The following GNPTG variants were observed in gnomAD, a reference collection of about 807,000 sequenced individuals.
GNPTG encodes the protein N-acetylglucosamine-1-phosphotransferase subunit gamma.
GNPTG carries 46 observed loss-of-function variants against 43.8 expected under a neutral mutation model. That is an observed-to-expected ratio of 1.05 (90% CI 0.83 to 1.34). GNPTG has a LOEUF of 1.34. Ranked by LOEUF, GNPTG falls within the 40% of genes most tolerant of loss-of-function variation. GNPTG has a pLI of 0.00. For synonymous variants in GNPTG, 250 were observed against 172.8 expected (o/e 1.45, Z -3.50); for missense variants, 549 against 411.3 (o/e 1.33, Z -2.90).
In GNPTG at chr16:1,363,263, A is replaced by G. The variant is rs2034977370; in HGVS notation, c.*172A>G. The G allele has an allele frequency of 3.0e-6, 2 of 671,054 alleles. No homozygotes were observed. The highest frequency in any genetic ancestry group is 3.6e-5 in the African/African-American group (2 of 55,754). 41.6% of individuals were successfully genotyped at this position (671,054 alleles called of 1,614,324 possible). On this transcript the variant is annotated 3_prime_UTR_variant, in exon 11 of 11. Transcript: ENST00000204679. ...ATAAAAATAACTCCATGAATTCTGT[A>G]AACCATTGCATAAATGCTATAGTGT...
Position 1,363,278 on chromosome 16 carries a change from T to A in GNPTG, c.*187T>A, listed in dbSNP as rs555685957. 1.6e-6 allele frequency: 1 copy of A among 622,948 alleles called. No homozygotes were observed. The highest frequency in any genetic ancestry group is 1.8e-5 in the African/African-American group (1 of 54,336). 38.6% of individuals were successfully genotyped at this position (622,948 alleles called of 1,614,324 possible). A position where few individuals can be genotyped will look rare whatever the true frequency, so the allele number is the denominator to read the frequency against. On this transcript the variant is annotated 3_prime_UTR_variant, in exon 11 of 11. Coordinates refer to ENST00000204679, the MANE Select transcript of GNPTG (RefSeq NM_032520.5). ...TGAATTCTGTAAACCATTGCATAAA[T>A]GCTATAGTGTAAAAAAATTTAAACA...
At chr16:1,356,887 CTGCGGGCGGGAGTG>C (rs1442011483) in intron 3 of GNPTG, among the ~76,000 whole-genome samples, 3 of 5,580 alleles carry the variant, frequency 5.4e-4, no homozygotes, top group African/African-American at 1.2e-3. Flanking sequence ...GGGCGGGGGT[CTGCGGGCGGGAGTG>C]TGCGGGCGAG....
intron 3 of GNPTG, among the ~76,000 whole-genome samples, chr16:1,359,331 A>G (rs529574611): frequency 6.6e-6 from 1 of 151,332 alleles, no homozygotes; most frequent in Admixed American, 6.6e-5. Context: ...CAGTAGCACG[A>G]TCTTGGCTCA....
chr16:1,361,878 G>A lies in GNPTG; in HGVS notation c.240G>A (p.Lys80=). The A allele has an allele frequency of 6.2e-7, 1 of 1,613,730 alleles. No homozygotes were observed. Among genetic ancestry groups the A allele is most frequent in the South Asian group, 1.1e-5 (1 of 91,092 alleles). The change falls in exon 5 of 11, where the codon AAG becomes AAA. Residue 80 remains lysine (K), a synonymous_variant. Transcript: ENST00000204679. Reference sequence around the variant, plus strand: ...ATGCCATCTGTGTCCCCAGGTACAAGTATGAGTTCTGCCCGTTCCACAACG... The same window carrying A: ...ATGCCATCTGTGTCCCCAGGTACAAATATGAGTTCTGCCCGTTCCACAACG... ...KCFSLVESTY[K]YEFCPFHNVT...
intron 10 of GNPTG, 32 bp from the exon 11 acceptor site, chr16:1,362,965 A>G: frequency 6.2e-7 from 1 of 1,613,946 alleles, no homozygotes; most frequent in Non-Finnish European, 8.5e-7. Flanking sequence ...CTGTGGGTCC[A>G]GGTGAGGACT....
chr16:1,360,269 C>CTGTT (rs2034847074), intron 3 of GNPTG, among the ~76,000 whole-genome samples: 6 of 152,188 alleles, frequency 3.9e-5, no homozygotes, highest in Admixed American at 3.3e-4. Context: ...TCTCTTTTGC[C>CTGTT]TGTTTATATG....
intron 5 of GNPTG, 41 bp downstream of exon 5, chr16:1,361,996 G>C (rs901500768): frequency 1.2e-6 from 2 of 1,613,080 alleles, no homozygotes; most frequent in Non-Finnish European, 1.7e-6. Flanking sequence ...CAGCAGCGCA[G>C]CTCCCCACCC....
chr16:1,355,647 C>A (rs2034762450), intron 3 of GNPTG, among the ~76,000 whole-genome samples: 1 of 151,980 alleles, frequency 6.6e-6, no homozygotes, highest in South Asian at 2.1e-4. Flanking sequence ...CTGCCAGCGC[C>A]CAGCAGAGTC....
intron 3 of GNPTG, among the ~76,000 whole-genome samples, chr16:1,357,227 C>T (rs1163939597): frequency 6.6e-6 from 1 of 152,200 alleles, no homozygotes; most frequent in Non-Finnish European, 1.5e-5. Flanking sequence ...TCTATATCCA[C>T]AGCCCCTGTC....
At position 1,362,771 on chromosome 16, in the gene GNPTG, G is replaced by A. The variant is rs573130947; in HGVS notation, c.741+29G>A. 63 of 1,614,100 alleles carry A rather than the reference G, an allele frequency of 3.9e-5. No individual in the cohort carries two copies. In the East Asian group the frequency reaches 8.0e-4, roughly 21 times the overall value. ...CCGTATTGGGGGGAGGTGGTGGCAC[G>A]CAGTAGCCCTCCAGCACCTGGGCTT... On this transcript the variant is annotated intron_variant, in intron 9 of 10. Transcript: ENST00000204679.
At chr16:1,352,618 T>C (rs541126897) in intron 3 of GNPTG, 18 of 396,576 alleles carry the variant, frequency 4.5e-5, no homozygotes, top group Non-Finnish European at 6.6e-5. Context: ...TTTTGTAATC[T>C]AATCGCTTTT....
chr16:1,352,016 C>A lies in GNPTG; in HGVS notation c.51C>A (p.Gly17=). Residue 17 remains glycine, a splice_region_variant and synonymous_variant, in exon 1 of 11, where the codon GGC becomes GGA. Coordinates refer to ENST00000204679, the MANE Select transcript of GNPTG (RefSeq NM_032520.5). ...RLLLLLGLSA[G]GPAPAGAAKM... is the part of the protein sequence containing the mutation. ...TGTTGCTCCTCGGGCTCTCGGCCGG[C>A]GGTGAGTGGCCCGGCCGTCCGCGTC... The A allele has an allele frequency of 3.4e-6, 5 of 1,471,098 alleles. No individual in the cohort carries two copies. Among genetic ancestry groups the A allele is most frequent in the Non-Finnish European group, 4.5e-6 (5 of 1,116,526 alleles). 91.1% of individuals were successfully genotyped at this position (1,471,098 alleles called of 1,614,324 possible).
rs1260733978 is a variant in GNPTG at position 1,362,963 on chromosome 16, C to A, written c.824-34C>A. The A allele has an allele frequency of 3.1e-6, 5 of 1,612,834 alleles. No individual in the cohort carries two copies. In the South Asian group the frequency reaches 5.5e-5, roughly 18 times the overall value. The stretch of plus-strand genomic sequence containing the variant: ...ACCATCACACTCGCCACCTGTGGGT[C>A]CAGGTGAGGACTGGCCACCTGGTGT... On this transcript the variant is annotated intron_variant, in intron 10 of 10. Coordinates refer to ENST00000204679, the MANE Select transcript of GNPTG (RefSeq NM_032520.5).
Position 1,361,789 on chromosome 16 carries a change from G to A in GNPTG, c.225G>A (p.Val75=). Residue 75 remains valine, a synonymous_variant, in exon 4 of 11, where the codon GTG becomes GTA. Transcript: ENST00000204679. The stretch of plus-strand genomic sequence containing the variant: ...TCTCGGGCAAGTGCTTCAGCCTGGT[G>A]GAGTCCACGTGAGTGCAGGGTGGGT... ...FRLSGKCFSL[V]ESTYKYEFCP... 1.9e-6 allele frequency: 3 copies of A among 1,614,146 alleles called. No individual in the cohort carries two copies. The highest frequency in any genetic ancestry group is 2.2e-5 in the East Asian group (1 of 44,888).
In GNPTG at chr16:1,352,317, A is replaced by G; in HGVS notation, c.178+11A>G. The G allele has an allele frequency of 6.5e-7, 1 of 1,548,138 alleles. No individual in the cohort carries two copies. Among genetic ancestry groups the G allele is most frequent in the Non-Finnish European group, 8.7e-7 (1 of 1,146,728 alleles). ...CTTCACCCGTGTCTGGTGAGTGAGGAGCGCTGTTGGCCGGCGCGGGGGTGG... is the reference window on the plus strand; with the variant it reads ...CTTCACCCGTGTCTGGTGAGTGAGGGGCGCTGTTGGCCGGCGCGGGGGTGG... On this transcript the variant is annotated intron_variant, in intron 3 of 10. Transcript: ENST00000204679.
In GNPTG at chr16:1,351,963, G is replaced by C; in HGVS notation, c.-3G>C. 1 of 1,298,480 alleles carries C rather than the reference G, an allele frequency of 7.7e-7. No homozygotes were observed. The highest frequency in any genetic ancestry group is 9.7e-7 in the Non-Finnish European group (1 of 1,028,458). The allele number at this position is 1,298,480 out of a possible 1,614,324, so 80.4% of individuals were successfully genotyped here. ...GTGACCGCGCGGCGGCCGCTGCGGC[G>C]CGATGGCGGCGGGGCTGGCGCGGCT... is the stretch of plus-strand genomic sequence containing the variant. On this transcript the variant is annotated 5_prime_UTR_variant, in exon 1 of 11. Transcript: ENST00000204679.
At chr16:1,354,041 G>C (rs1003286760) in intron 3 of GNPTG, among the ~76,000 whole-genome samples, 1 of 152,272 alleles carries the variant, frequency 6.6e-6, no homozygotes, top group South Asian at 2.1e-4. Context: ...ATCTTTTTAA[G>C]TTTTTTGTTG....
rs575417677 is a variant in GNPTG at position 1,355,078 on chromosome 16, T to C, written c.178+2772T>C. Among the ~76,000 whole-genome samples, 7 of 150,524 alleles carry C rather than the reference T, an allele frequency of 4.7e-5. No individual in the cohort carries two copies. In the South Asian group the frequency reaches 6.3e-4, roughly 14 times the overall value. On this transcript the variant is annotated intron_variant, in intron 3 of 10. Coordinates refer to ENST00000204679, the MANE Select transcript of GNPTG (RefSeq NM_032520.5). Reference sequence around the variant, plus strand: ...GGTCTGCCGCGTCTGCGGGGTCGGGTGTGGATGGTCTCCCGCGTCTGCGGG... The same window carrying C: ...GGTCTGCCGCGTCTGCGGGGTCGGGCGTGGATGGTCTCCCGCGTCTGCGGG...
At position 1,363,060 on chromosome 16, in the gene GNPTG, G is replaced by A. The variant is rs561640998; in HGVS notation, c.887G>A (p.Arg296Gln). Reference sequence around the variant, plus strand: ...AGAGCCAAGTCTCCAGAGCAGCTGCGGGGTGACCCAGGACTGCGTGGGAGT... The same window carrying A: ...AGAGCCAAGTCTCCAGAGCAGCTGCAGGGTGACCCAGGACTGCGTGGGAGT... ...TPRAKSPEQL[R>Q]GDPGLRGSL The change falls in exon 11 of 11, where the codon CGG becomes CAG. Residue 296 changes from arginine (R) to glutamine (Q), a missense_variant. Transcript: ENST00000204679. The A allele has an allele frequency of 1.6e-4, 257 of 1,613,982 alleles. 1 individual carries two copies. The Middle Eastern group carries it at 8.1e-3, about 51-fold the overall frequency.
Sources: gnomAD v4.1 joint callset for allele counts (sites outside exome capture counted in the v4.1 genomes callset) on GRCh38, gnomAD v4.1.1 for gene constraint, MANE v1.5 for transcripts, NCBI Gene and HGNC (gene_info 2026-07-23, HGNC 2026-07-21) for gene names.